PRKD2: variants seen among roughly 807,000 people sequenced by gnomAD.
The protein encoded by PRKD2 is protein kinase D2, also known as serine/threonine-protein kinase D2.
A neutral mutation model predicts 86.0 loss-of-function variants in PRKD2; 22 were observed. The observed-to-expected ratio is 0.26, with a 90% CI of 0.18 to 0.37. The LOEUF (loss-of-function observed/expected upper bound fraction) is 0.37. Ranked by LOEUF, PRKD2 falls within the 10% of genes least tolerant of loss-of-function variation. PRKD2 has a pLI of 1.00. For missense variants in PRKD2, 818 were observed against 1,199.2 expected (o/e 0.68, Z 4.70); for synonymous variants, 509 against 510.9 (o/e 1.00, Z 0.05).
intron 15 of PRKD2, among the ~76,000 whole-genome samples, chr19:46,679,585 G>A (rs78320072): frequency 0.097 from 14,705 of 152,134 alleles, 879 homozygotes; most frequent in Non-Finnish European, 0.13. Flanking sequence ...TGCTGACTGC[G>A]GTAGCTGGCA....
intron 4 of PRKD2, 26 bp downstream of exon 4, chr19:46,704,469 A>T: frequency 1.2e-6 from 2 of 1,613,888 alleles, no homozygotes; most frequent in Non-Finnish European, 1.7e-6. Flanking sequence ...CTAGCCACCA[A>T]CCCGTCCCAT....
intron 14 of PRKD2, among the ~76,000 whole-genome samples, chr19:46,687,913 GGCTGGAGT>G: frequency 1.3e-5 from 2 of 152,268 alleles, no homozygotes; most frequent in South Asian, 4.1e-4. Flanking sequence ...CTGTCACCCA[GGCTGGAGT>G]GCAGTGGCAC....
chr19:46,712,871 C>G lies in PRKD2; in HGVS notation c.379+992G>C, dbSNP rs377019440. Among the ~76,000 whole-genome samples, 26 of 152,328 alleles carry G rather than the reference C, an allele frequency of 1.7e-4. No homozygotes were observed. In the East Asian group the frequency reaches 4.2e-3, roughly 25 times the overall value. Reference sequence around the variant, plus strand: ...ACTACTGGAATAGTGAGTGGATGAACTGGCTTCTGGCTGTGTCTTAGAAAA... The same window carrying G: ...ACTACTGGAATAGTGAGTGGATGAAGTGGCTTCTGGCTGTGTCTTAGAAAA... On this transcript the variant is annotated intron_variant, in intron 2 of 17. Coordinates refer to ENST00000291281, the MANE Select transcript of PRKD2 (RefSeq NM_016457.5).
At position 46,693,939 on chromosome 19, in the gene PRKD2, G is replaced by T. The variant is rs201130245; in HGVS notation, c.1512C>A (p.Ile504=). 6.2e-7 allele frequency: 1 copy of T among 1,611,186 alleles called. No individual in the cohort carries two copies. The change falls in exon 10 of 18, where the codon ATC becomes ATA. Residue 504 remains isoleucine, a synonymous_variant. Transcript: ENST00000291281. This position sits in a 1 kb window ranked among gnomAD's most constrained non-coding sequence, Gnocchi z 4.5. ...AEAARGWETA[I]RQALMPVILQ... is the part of the protein sequence containing the mutation. ...GGATGACGGGCATCAGGGCCTGGCGGATGGCTGTCTCCCAGCCCCGGGCGG... is the reference window on the plus strand; with the variant it reads ...GGATGACGGGCATCAGGGCCTGGCGTATGGCTGTCTCCCAGCCCCGGGCGG...
chr19:46,675,629 G>A (rs1400064850), intron 16 of PRKD2, among the ~76,000 whole-genome samples: 1 of 152,144 alleles, frequency 6.6e-6, no homozygotes, highest in Non-Finnish European at 1.5e-5. Flanking sequence ...ATTTTTAGTA[G>A]AGATGGGGTT....
intron 13 of PRKD2, 64 bp downstream of exon 13, chr19:46,690,536 C>T: frequency 6.6e-7 from 1 of 1,506,528 alleles, no homozygotes; most frequent in Non-Finnish European, 9.2e-7. Context: ...CCTGACCACC[C>T]CTACACTGGG....
rs34248159 is a variant in PRKD2 at position 46,683,166 on chromosome 19, CTT to C, written c.1972-1420_1972-1419del. On this transcript the variant is annotated intron_variant, in intron 14 of 17. Transcript: ENST00000291281. ...CCACCACCATGTCGGGCTTTGATTCCTTTTTTTTTTTTTTTTTTGAGAAGGCC... is the reference window on the plus strand; with the variant it reads ...CCACCACCATGTCGGGCTTTGATTCCTTTTTTTTTTTTTTTTGAGAAGGCC... Among the ~76,000 whole-genome samples the C allele has an allele frequency of 1.4e-3, 159 of 115,448 alleles. 1 individual carries two copies. Among genetic ancestry groups the C allele is most frequent in the Middle Eastern group, 4.8e-3 (1 of 210 alleles). The allele number at this position is 115,448 out of a possible 152,430, so 75.7% of individuals were successfully genotyped here.
At chr19:46,676,417 C>T (rs1243765966) in intron 16 of PRKD2, among the ~76,000 whole-genome samples, 1 of 152,042 alleles carries the variant, frequency 6.6e-6, no homozygotes, top group Non-Finnish European at 1.5e-5. Context: ...AAAAGCGAAA[C>T]TCCGTCTCAA....
chr19:46,702,640 TG>T (rs2053652463), intron 5 of PRKD2, among the ~76,000 whole-genome samples: 1 of 152,062 alleles, frequency 6.6e-6, no homozygotes, highest in South Asian at 2.1e-4. Context: ...ATTCTTGAAT[TG>T]GATGTTTCTA....
chr19:46,689,605 A>G lies in PRKD2; in HGVS notation c.1903T>C (p.Leu635=), dbSNP rs1216367825. 6.2e-7 allele frequency: 1 copy of G among 1,614,048 alleles called. No individual in the cohort carries two copies. Among genetic ancestry groups the G allele is most frequent in the East Asian group, 2.2e-5 (1 of 44,872 alleles). Residue 635 remains leucine, a synonymous_variant, in exon 14 of 18, where the codon TTG becomes CTG. Coordinates refer to ENST00000291281, the MANE Select transcript of PRKD2 (RefSeq NM_016457.5). ...VVMEKLHGDM[L]EMILSSEKGR... ...TTCTCACTGGACAGGATCATCTCCAACATGTCCCCATGCAGCTTCTCCATC... is the reference window on the plus strand; with the variant it reads ...TTCTCACTGGACAGGATCATCTCCAGCATGTCCCCATGCAGCTTCTCCATC...
At chr19:46,708,986 T>G (rs1202147097) in intron 3 of PRKD2, among the ~76,000 whole-genome samples, 2 of 149,826 alleles carry the variant, frequency 1.3e-5, no homozygotes, top group African/African-American at 2.5e-5. Context: ...TTTTTTTTTT[T>G]TTTTTTTTTG....
At chr19:46,702,199 T>C (rs1479964614) in intron 5 of PRKD2, among the ~76,000 whole-genome samples, 1 of 152,152 alleles carries the variant, frequency 6.6e-6, no homozygotes, top group African/African-American at 2.4e-5. Context: ...CTACCATGCC[T>C]GGCTAATTTT....
chr19:46,710,630 C>A, intron 3 of PRKD2: 3 of 379,176 alleles, frequency 7.9e-6, no homozygotes, highest in South Asian at 6.3e-5. Context: ...CGCCACCCTT[C>A]TGCTCCCCTA....
chr19:46,680,924 C>CTATATA lies in PRKD2; in HGVS notation c.2070+720_2070+725dup, dbSNP rs1159306440. Among the ~76,000 whole-genome samples the CTATATA allele has an allele frequency of 1.2e-4, 9 of 72,448 alleles. 1 individual carries two copies. Among genetic ancestry groups the CTATATA allele is most frequent in the African/African-American group, 1.9e-4 (4 of 21,474 alleles). The allele number at this position is 72,448 out of a possible 152,430, so 47.5% of individuals were successfully genotyped here. On this transcript the variant is annotated intron_variant, in intron 15 of 17. Transcript: ENST00000291281. ...ATAAAGTGCTATATGTTGGGATAAA[C>CTATATA]TATATATATATATATATATATATTT...
chr19:46,700,086 A>G (rs2053615120), intron 7 of PRKD2, among the ~76,000 whole-genome samples: 1 of 104,206 alleles, frequency 9.6e-6, no homozygotes, highest in African/African-American at 4.7e-5. Flanking sequence ...AAATACAAAA[A>G]AAGTAGCTGG....
At chr19:46,680,527 G>C (rs1353535392) in intron 15 of PRKD2, among the ~76,000 whole-genome samples, 5 of 151,994 alleles carry the variant, frequency 3.3e-5, no homozygotes, top group African/African-American at 1.2e-4. Context: ...GACCTCAAGT[G>C]ATCTGCCCGC....
chr19:46,704,702 C>T, intron 3 of PRKD2, 53 bp from the exon 4 acceptor site: 1 of 1,538,918 alleles, frequency 6.5e-7, no homozygotes, highest in Non-Finnish European at 8.7e-7. Context: ...TCCTAGGTCT[C>T]TTCTTGAGAA....
intron 1 of PRKD2, among the ~76,000 whole-genome samples, chr19:46,714,835 T>C (rs1303362114): frequency 6.6e-6 from 1 of 152,178 alleles, no homozygotes; most frequent in Non-Finnish European, 1.5e-5. Flanking sequence ...GAGCTGGGCC[T>C]GCGGGATTGA....
In PRKD2 at chr19:46,704,547, T is replaced by C; in HGVS notation, c.614A>G (p.His205Arg). 6.2e-7 allele frequency: 1 copy of C among 1,613,960 alleles called. No homozygotes were observed. Among genetic ancestry groups the C allele is most frequent in the Admixed American group, 1.7e-5 (1 of 60,004 alleles). ...RLSSTSLASG[H>R]SVRLGTSESL... is the part of the protein sequence containing the mutation. Reference sequence around the variant, plus strand: ...CTCGGAGGTGCCGAGGCGCACCGAGTGGCCACTGGCCAGAGACGTGGATGA... The same window carrying C: ...CTCGGAGGTGCCGAGGCGCACCGAGCGGCCACTGGCCAGAGACGTGGATGA... Residue 205 changes from histidine to arginine, a missense_variant, in exon 4 of 18, where the codon CAC (histidine) becomes CGC (arginine). This residue lies in a region of PRKD2 where 403 missense variants were observed against 518.6 expected (regional missense o/e 0.78). Transcript: ENST00000291281.
Sources: allele counts gnomAD v4.1 joint callset (sites outside exome capture counted in the v4.1 genomes callset), GRCh38; gene constraint gnomAD v4.1.1; regional missense constraint gnomAD v4.1.1; non-coding constraint Gnocchi (gnomAD v3.1); transcripts MANE v1.5; gene names NCBI Gene and HGNC (gene_info 2026-07-23, HGNC 2026-07-21).